Variants in CDK14 observed in about 807,000 individuals in gnomAD.
CDK14 encodes the protein cyclin dependent kinase 14, also known as cyclin-dependent kinase 14.
A neutral mutation model predicts 60.7 loss-of-function variants in CDK14; 34 were observed. The observed-to-expected ratio is 0.56, with a 90% CI of 0.43 to 0.75. CDK14 has a LOEUF of 0.75. Among genes scored for constraint, CDK14 ranks in the 30% least tolerant of loss-of-function variants. CDK14 has a pLI of 0.00. For synonymous variants in CDK14, 197 were observed against 203.7 expected (o/e 0.97, Z 0.28); for missense variants, 482 against 564.1 (o/e 0.85, Z 1.47).
At chr7:91,034,945 TACACACACACAC>T (rs35003949) in intron 10 of CDK14, among the ~76,000 whole-genome samples, 7 of 145,982 alleles carry the variant, frequency 4.8e-5, no homozygotes, top group Admixed American at 6.8e-5. Flanking sequence ...CACATACACA[TACACACACACAC>T]ACACACACAC....
chr7:91,131,063 CAGATT>C (rs1392302722), intron 14 of CDK14, among the ~76,000 whole-genome samples: 1 of 151,864 alleles, frequency 6.6e-6, no homozygotes, highest in Non-Finnish European at 1.5e-5. Context: ...AGCAGTCAGT[CAGATT>C]AGGGCTGTGT....
chr7:90,605,290 T>G (rs1031857392), intron 2 of CDK14, among the ~76,000 whole-genome samples: 6 of 152,184 alleles, frequency 3.9e-5, no homozygotes, highest in African/African-American at 1.4e-4. Flanking sequence ...GCTGTCACGG[T>G]CTGCTGCTTC....
intron 2 of CDK14, among the ~76,000 whole-genome samples, chr7:90,623,357 T>C (rs1799812416): frequency 6.6e-6 from 1 of 152,148 alleles, no homozygotes; most frequent in African/African-American, 2.4e-5. Flanking sequence ...GCTGTTTCTT[T>C]AGTTGAATTT....
chr7:91,098,825 A>C (rs1799082283), intron 12 of CDK14, among the ~76,000 whole-genome samples: 1 of 152,166 alleles, frequency 6.6e-6, no homozygotes, highest in Non-Finnish European at 1.5e-5. Context: ...TAGGAGTCAG[A>C]CTGTAAAAGG....
intron 11 of CDK14, among the ~76,000 whole-genome samples, chr7:91,051,174 C>G (rs997148440): frequency 1.5e-4 from 23 of 152,150 alleles, no homozygotes; most frequent in Non-Finnish European, 5.9e-5. Flanking sequence ...ATTAATAGAG[C>G]AAGAACTCAC....
intron 2 of CDK14, among the ~76,000 whole-genome samples, chr7:90,609,474 G>A (rs966984070): frequency 6.6e-6 from 1 of 152,108 alleles, no homozygotes; most frequent in East Asian, 1.9e-4. Context: ...CATCCCCTTG[G>A]TGCTGTTCTG....
intron 6 of CDK14, among the ~76,000 whole-genome samples, chr7:90,896,942 G>A (rs1192905122): frequency 6.6e-6 from 1 of 152,112 alleles, no homozygotes; most frequent in Non-Finnish European, 1.5e-5. Context: ...TGTTTAAAAA[G>A]CATGTGTAGC....
chr7:90,879,737 G>A (rs1447882388), intron 6 of CDK14, among the ~76,000 whole-genome samples: 1 of 151,742 alleles, frequency 6.6e-6, no homozygotes, highest in African/African-American at 2.4e-5. Context: ...AGAACTTAAA[G>A]TATAATGATA....
At chr7:90,619,125 GGTGA>G (rs1303677616) in intron 2 of CDK14, among the ~76,000 whole-genome samples, 1 of 152,154 alleles carries the variant, frequency 6.6e-6, no homozygotes, top group Non-Finnish European at 1.5e-5. Flanking sequence ...GACTGGTGGC[GGTGA>G]GTGTGATGCG....
intron 10 of CDK14, among the ~76,000 whole-genome samples, chr7:91,005,063 C>T (rs149719048): frequency 2.1e-3 from 320 of 152,264 alleles, no homozygotes; most frequent in Middle Eastern, 0.01. Flanking sequence ...TTACCCTGGG[C>T]CAGATCTGGC....
At chr7:90,668,321 G>C (rs971390093) in intron 2 of CDK14, among the ~76,000 whole-genome samples, 1 of 152,136 alleles carries the variant, frequency 6.6e-6, no homozygotes, top group Non-Finnish European at 1.5e-5. Context: ...CTTCTTTGGA[G>C]AAATGTCTGT....
intron 10 of CDK14, among the ~76,000 whole-genome samples, chr7:91,011,477 A>G (rs1455367696): frequency 6.6e-6 from 1 of 152,164 alleles, no homozygotes; most frequent in Admixed American, 6.5e-5. Context: ...ATGTTACTGT[A>G]TAATTTTCAA....
chr7:91,074,273 A>G (rs1042628125), intron 11 of CDK14, among the ~76,000 whole-genome samples: 22 of 152,240 alleles, frequency 1.4e-4, no homozygotes, highest in Non-Finnish European at 2.1e-4. Context: ...CAGCAAATGC[A>G]AAAGAACTGA....
chr7:90,654,293 G>T (rs1456926389), intron 2 of CDK14, among the ~76,000 whole-genome samples: 1 of 152,160 alleles, frequency 6.6e-6, no homozygotes, highest in Admixed American at 6.6e-5. Flanking sequence ...AACTAGTAAT[G>T]TACTTGAGAA....
intron 2 of CDK14, among the ~76,000 whole-genome samples, chr7:90,700,330 A>G (rs926373110): frequency 6.6e-6 from 1 of 152,078 alleles, no homozygotes; most frequent in Non-Finnish European, 1.5e-5. Flanking sequence ...TTGACCTCGC[A>G]GTCCGGCCAC....
chr7:90,954,319 A>T (rs1036765882), intron 8 of CDK14, among the ~76,000 whole-genome samples: 5 of 152,154 alleles, frequency 3.3e-5, no homozygotes, highest in Non-Finnish European at 7.4e-5. Flanking sequence ...TAAATAGAAC[A>T]TTAAAATGAA....
At chr7:91,196,095 G>A (rs1157273142) in intron 14 of CDK14, among the ~76,000 whole-genome samples, 1 of 152,186 alleles carries the variant, frequency 6.6e-6, no homozygotes, top group Non-Finnish European at 1.5e-5. Context: ...TATTTTCCAT[G>A]TTGACTTATA....
chr7:90,743,545 A>G (rs1212282356), intron 3 of CDK14, among the ~76,000 whole-genome samples: 2 of 152,106 alleles, frequency 1.3e-5, no homozygotes, highest in Admixed American at 6.5e-5. Flanking sequence ...AGCCCCATAT[A>G]TCCCTTAATT....
At chr7:90,877,178 G>A (rs1791589438) in intron 6 of CDK14, among the ~76,000 whole-genome samples, 1 of 151,940 alleles carries the variant, frequency 6.6e-6, no homozygotes, top group Non-Finnish European at 1.5e-5. Context: ...AATATATAGG[G>A]GTAAAAGGTT....
Sources: gnomAD v4.1 joint callset for allele counts (sites outside exome capture counted in the v4.1 genomes callset) on GRCh38, gnomAD v4.1.1 for gene constraint, MANE v1.5 for transcripts, NCBI Gene and HGNC (gene_info 2026-07-23, HGNC 2026-07-21) for gene names.